The following SCRIB variants were observed in gnomAD, a reference collection of about 807,000 sequenced individuals.
The protein encoded by SCRIB is scribble planar cell polarity protein, also known as protein scribble homolog.
A neutral mutation model predicts 170.0 loss-of-function variants in SCRIB; 72 were observed. That is an observed-to-expected ratio of 0.42 (90% CI 0.35 to 0.52). The LOEUF (loss-of-function observed/expected upper bound fraction) is 0.52, where lower values mean the gene tolerates loss of function less well. Among genes scored for constraint, SCRIB ranks in the 20% least tolerant of loss-of-function variants. SCRIB has a pLI of 0.02. For synonymous variants in SCRIB, 1,298 were observed against 1,044.3 expected (o/e 1.24, Z -4.68); for missense variants, 2,475 against 2,338.5 (o/e 1.06, Z -1.20).
chr8:143,805,271 T>C lies in SCRIB; in HGVS notation c.2511A>G (p.Arg837=). The change falls in exon 19 of 37, where the codon CGA becomes CGG. Residue 837 remains arginine, a synonymous_variant. Transcript: ENST00000356994. ...GGCGCAGCCCCCCTCCCCGCCGCTC[T>C]CGGGGGCTGTAATCATCCTCGGGCC... The part of the protein sequence containing the change: ...PLRPEDDYSP[R]ERRGGGLRLP... The C allele has an allele frequency of 2.6e-6, 4 of 1,553,972 alleles. No individual in the cohort carries two copies. Among genetic ancestry groups the C allele is most frequent in the East Asian group, 2.4e-5 (1 of 41,594 alleles).
Position 143,813,915 on chromosome 8 carries a change from G to A in SCRIB, c.278-19C>T. 1 of 1,604,454 alleles carries A rather than the reference G, an allele frequency of 6.2e-7. No homozygotes were observed. Among genetic ancestry groups the A allele is most frequent in the Non-Finnish European group, 8.5e-7 (1 of 1,173,480 alleles). On this transcript the variant is annotated intron_variant, in intron 2 of 36. Coordinates refer to ENST00000356994, the MANE Select transcript of SCRIB (RefSeq NM_182706.5). ...GGGATATCTGTCACAGAGGGTCACAGTGGACAGATGCCATGGCCTGCAGGC... is the reference window on the plus strand; with the variant it reads ...GGGATATCTGTCACAGAGGGTCACAATGGACAGATGCCATGGCCTGCAGGC...
rs1302482009 is a variant in SCRIB at position 143,810,730 on chromosome 8, G to A, written c.1360C>T (p.Pro454Ser). The change falls in exon 12 of 37, where the codon CCC (proline) becomes TCC (serine). Residue 454 changes from proline to serine, a missense_variant. Coordinates refer to ENST00000356994, the MANE Select transcript of SCRIB (RefSeq NM_182706.5). ...TCCTCAGCGTCCTCATCACCTATGG[G>A]GGCCTCCAGGAACTGGATGACGCTG... ...RVSVIQFLEA[P>S]IGDEDAEEAA... 7 of 1,608,956 alleles carry A rather than the reference G, an allele frequency of 4.4e-6. No homozygotes were observed. In the African/African-American group the frequency reaches 6.7e-5, roughly 15 times the overall value.
In SCRIB at chr8:143,792,765, G is replaced by T. The variant is rs1554633228; in HGVS notation, c.4120C>A (p.Pro1374Thr). Residue 1374 changes from proline (P) to threonine (T), a missense_variant, in exon 30 of 37, where the codon CCT (proline) becomes ACT (threonine). Physicochemically the swap from Pro to Thr is conservative, Grantham distance 38. This residue lies in a region of SCRIB where 1,966 missense variants were observed against 1,742.9 expected (regional missense o/e 1.13). Transcript: ENST00000356994. ...GCACCCACCAGGGACACGCGCTTAG[G>T]GGGGCCCTCGGCCTGGGGCACGCGC... ...EVRVPQAEGPPKRVSLVGADD... is the reference protein window; with the variant it reads ...EVRVPQAEGPTKRVSLVGADD... 1.3e-6 allele frequency: 2 copies of T among 1,587,242 alleles called. No homozygotes were observed. Among genetic ancestry groups the T allele is most frequent in the East Asian group, 2.3e-5 (1 of 44,242 alleles).
At chr8:143,812,518 C>T in intron 8 of SCRIB, 134 bp from the exon 9 acceptor site, 1 of 658,044 alleles carries the variant, frequency 1.5e-6, no homozygotes. Context: ...TCGGGAGGAC[C>T]CTACCTACCT....
chr8:143,815,426 G>T lies in SCRIB; in HGVS notation c.-54C>A. ...GGCGGCGCTCGGCGGGCTCGGGGCCGGGGGGCGGGGCTCAGTCCGCATGGG... is the reference window on the plus strand; with the variant it reads ...GGCGGCGCTCGGCGGGCTCGGGGCCTGGGGGCGGGGCTCAGTCCGCATGGG... On this transcript the variant is annotated 5_prime_UTR_variant, in exon 1 of 37. Coordinates refer to ENST00000356994, the MANE Select transcript of SCRIB (RefSeq NM_182706.5). 1 of 1,220,758 alleles carries T rather than the reference G, an allele frequency of 8.2e-7. No individual in the cohort carries two copies. The highest frequency in any genetic ancestry group is 3.0e-4 in the Middle Eastern group (1 of 3,354). The allele number at this position is 1,220,758 out of a possible 1,614,324, so 75.6% of individuals were successfully genotyped here. A position where few individuals can be genotyped will look rare whatever the true frequency, so the allele number is the denominator to read the frequency against.
At chr8:143,801,688 G>A (rs886696996) in intron 24 of SCRIB, among the ~76,000 whole-genome samples, 1 of 152,250 alleles carries the variant, frequency 6.6e-6, no homozygotes, top group Non-Finnish European at 1.5e-5. Context: ...CCCCCGGGAA[G>A]ACGGAAGGAC....
chr8:143,799,443 G>A (rs1330496576), intron 24 of SCRIB, among the ~76,000 whole-genome samples: 1 of 152,224 alleles, frequency 6.6e-6, no homozygotes, highest in African/African-American at 2.4e-5. Flanking sequence ...GGAGGAAGAG[G>A]ATGCGGACAG....
chr8:143,812,040 G>A (rs1815754127), intron 9 of SCRIB, among the ~76,000 whole-genome samples: 1 of 152,166 alleles, frequency 6.6e-6, no homozygotes, highest in African/African-American at 2.4e-5. Context: ...ATAAACACGA[G>A]ACCTAGATTC....
In SCRIB at chr8:143,805,218, C is replaced by A; in HGVS notation, c.2564G>T (p.Gly855Val). The A allele has an allele frequency of 3.8e-6, 6 of 1,558,716 alleles. No homozygotes were observed. Among genetic ancestry groups the A allele is most frequent in the Non-Finnish European group, 5.2e-6 (6 of 1,156,884 alleles). The stretch of plus-strand genomic sequence containing the variant: ...GGCCACGTGGCGCTGACGGAGGGGC[C>A]CGGGGCTCTCAGGCGGGAGCAGGGG... ...RLPLLPPESP[G>V]PLRQRHVACL... Residue 855 changes from glycine to valine, a missense_variant, in exon 19 of 37, where the codon GGG becomes GTG. Gly to Val is a moderately radical substitution (Grantham distance 109). Transcript: ENST00000356994.
intron 24 of SCRIB, among the ~76,000 whole-genome samples, chr8:143,798,170 C>T (rs542913967): frequency 3.9e-5 from 6 of 152,072 alleles, no homozygotes; most frequent in East Asian, 3.9e-4. Context: ...GCAGGAGAAT[C>T]GCTTGAACCC....
chr8:143,805,858 C>T (rs1350657305), intron 18 of SCRIB, among the ~76,000 whole-genome samples: 3 of 152,228 alleles, frequency 2.0e-5, no homozygotes, highest in African/African-American at 7.2e-5. Flanking sequence ...GAGCAGCAGA[C>T]GCAGCATATG....
chr8:143,811,226 C>T lies in SCRIB; in HGVS notation c.1026G>A (p.Leu342=). 1 of 1,611,504 alleles carries T rather than the reference C, an allele frequency of 6.2e-7. No homozygotes were observed. Among genetic ancestry groups the T allele is most frequent in the Non-Finnish European group, 8.5e-7 (1 of 1,179,394 alleles). ...GCAGGACGGCCAGGCGGTTGTCCCT[C>T]AAGGAGAGGACGCTGAGTGCCACAC... The part of the protein sequence containing the change: ...GGCVALSVLS[L]RDNRLAVLPP... The change falls in exon 10 of 37, where the codon TTG becomes TTA. Residue 342 remains leucine (L), a synonymous_variant. Coordinates refer to ENST00000356994, the MANE Select transcript of SCRIB (RefSeq NM_182706.5).
At chr8:143,804,281 G>T in intron 21 of SCRIB, 125 bp from the exon 22 acceptor site, 1 of 745,384 alleles carries the variant, frequency 1.3e-6, no homozygotes, top group Admixed American at 3.0e-5. Context: ...TGCCCACGGG[G>T]ATTTCTGCGC....
In SCRIB at chr8:143,791,426, A is replaced by G; in HGVS notation, c.4785T>C (p.Ala1595=). The part of the protein sequence containing the change: ...PVYDIQSPDF[A]EELRSLEPSP... ...ATGGTTCCAGGGACCTCAACTCCTCAGCAAAGTCCGGTGACTGTGATGGGG... is the reference window on the plus strand; with the variant it reads ...ATGGTTCCAGGGACCTCAACTCCTCGGCAAAGTCCGGTGACTGTGATGGGG... The change falls in exon 36 of 37, where the codon GCT becomes GCC. Residue 1595 remains alanine (A), a synonymous_variant. Transcript: ENST00000356994. 8 of 1,611,250 alleles carry G rather than the reference A, an allele frequency of 5.0e-6. No homozygotes were observed. The highest frequency in any genetic ancestry group is 2.2e-5 in the East Asian group (1 of 44,794).
At chr8:143,815,065 G>A (rs1816005847) in intron 1 of SCRIB, 149 bp downstream of exon 1, 14 of 896,460 alleles carry the variant, frequency 1.6e-5, no homozygotes, top group Non-Finnish European at 2.0e-5. Context: ...TGGAAGAGAA[G>A]GGTGGGGCTG....
chr8:143,791,786 G>A (rs202102895), intron 34 of SCRIB, 46 bp from the exon 35 acceptor site: 13 of 1,504,536 alleles, frequency 8.6e-6, no homozygotes, highest in African/African-American at 8.3e-5. Context: ...GAGAGGAAAG[G>A]GGGGGATGAG....
rs782146984 is a variant in SCRIB at position 143,792,504 on chromosome 8, T to C, written c.4309A>G (p.Ser1437Gly). ...GCTCACCTTGAGGTGGGGCTCGGGC[T>C]GGCCCAGGGTGGCTGCTCATCCTCC... Reference protein sequence around the residue: ...EQEDEQPPWASPSPTSRQSPA... With the variant: ...EQEDEQPPWAGPSPTSRQSPA... Residue 1437 changes from serine (S) to glycine (G), a missense_variant, in exon 31 of 37, where the codon AGC becomes GGC. Physicochemically the swap from Ser to Gly is moderately conservative, Grantham distance 56. Transcript: ENST00000356994. 2 of 1,550,186 alleles carry C rather than the reference T, an allele frequency of 1.3e-6. No homozygotes were observed. Among genetic ancestry groups the C allele is most frequent in the Non-Finnish European group, 1.7e-6 (2 of 1,154,034 alleles).
chr8:143,808,674 C>T lies in SCRIB; in HGVS notation c.2050G>A (p.Glu684Lys), dbSNP rs1183227491. Reference protein sequence around the residue: ...EEEEEENRAEEEEASTEEEDK... With the variant: ...EEEEEENRAEKEEASTEEEDK... ...TCCTCCTCAGTGCTGGCCTCTTCCT[C>T]TTCAGCCCTGTTTTCCTCCTCCTCC... The change falls in exon 15 of 37, where the codon GAG becomes AAG. Residue 684 changes from glutamate (E) to lysine (K), a missense_variant. By Grantham distance (56) the Glu-to-Lys change is moderately conservative. Transcript: ENST00000356994. 2 of 1,540,680 alleles carry T rather than the reference C, an allele frequency of 1.3e-6. No homozygotes were observed. Among genetic ancestry groups the T allele is most frequent in the African/African-American group, 1.4e-5 (1 of 72,544 alleles).
At chr8:143,805,481 C>CA in intron 18 of SCRIB, 46 bp from the exon 19 acceptor site, 1 of 1,430,844 alleles carries the variant, frequency 7.0e-7, no homozygotes, top group Non-Finnish European at 9.2e-7. Context: ...AGTGCCGCCA[C>CA]AGACAGCCAC....
Sources: allele counts gnomAD v4.1 joint callset (sites outside exome capture counted in the v4.1 genomes callset), GRCh38; gene constraint gnomAD v4.1.1; regional missense constraint gnomAD v4.1.1; transcripts MANE v1.5; gene names NCBI Gene and HGNC (gene_info 2026-07-23, HGNC 2026-07-21).